Variants in IGSF11 observed in about 807,000 individuals in gnomAD.
The protein encoded by IGSF11 is CXADR like 1.
A neutral mutation model predicts 41.0 loss-of-function variants in IGSF11; 22 were observed. That is an observed-to-expected ratio of 0.54 (90% CI 0.38 to 0.77). The LOEUF (loss-of-function observed/expected upper bound fraction) is 0.77, where lower values mean the gene tolerates loss of function less well. Among genes scored for constraint, IGSF11 ranks in the 30% least tolerant of loss-of-function variants. IGSF11 has a pLI of 0.00. For missense variants in IGSF11, 444 were observed against 530.8 expected (o/e 0.84, Z 1.61); for synonymous variants, 219 against 201.3 (o/e 1.09, Z -0.74).
intron 1 of IGSF11, among the ~76,000 whole-genome samples, chr3:118,986,422 T>C (rs1053232619): frequency 6.6e-6 from 1 of 152,354 alleles, no homozygotes; most frequent in African/African-American, 2.4e-5. Flanking sequence ...ATTAAGTGCC[T>C]CAATTTCTGC....
chr3:119,115,218 GCTAT>G (rs2077238998), intron 1 of IGSF11, among the ~76,000 whole-genome samples: 2 of 152,220 alleles, frequency 1.3e-5, no homozygotes, highest in Non-Finnish European at 2.9e-5. Flanking sequence ...TGAAAGTGCA[GCTAT>G]CTCTTTGATA....
upstream of IGSF11, among the ~76,000 whole-genome samples, chr3:119,039,639 T>C (rs1408159910): frequency 6.6e-6 from 1 of 152,174 alleles, no homozygotes; most frequent in Non-Finnish European, 1.5e-5. Context: ...CCCCATTATC[T>C]CTCTGACCAC....
chr3:119,106,900 C>T (rs562186257), upstream of IGSF11, among the ~76,000 whole-genome samples: 1 of 152,260 alleles, frequency 6.6e-6, no homozygotes, highest in Admixed American at 6.5e-5. Flanking sequence ...ATCCATGTCC[C>T]TACAAAGGAC....
At position 119,026,763 on chromosome 3, in the gene IGSF11, G is replaced by A. The variant is rs376887251; in HGVS notation, c.52+7768C>T. Among the ~76,000 whole-genome samples, 76 of 152,276 alleles carry A rather than the reference G, an allele frequency of 5.0e-4. 1 individual carries two copies. The highest frequency in any genetic ancestry group is 1.8e-3 in the African/African-American group (75 of 41,562). ...AGCAAAATGGTCATCCCAAAGTAAGGCATTGGTGCAATTATTTGAGCTCAA... is the reference window on the plus strand; with the variant it reads ...AGCAAAATGGTCATCCCAAAGTAAGACATTGGTGCAATTATTTGAGCTCAA... On this transcript the variant is annotated intron_variant, in intron 1 of 6. Coordinates refer to ENST00000393775, the MANE Select transcript of IGSF11 (RefSeq NM_001015887.3).
chr3:119,084,083 A>G (rs1402930905), intron 1 of IGSF11, among the ~76,000 whole-genome samples: 11 of 152,142 alleles, frequency 7.2e-5, no homozygotes, highest in Admixed American at 6.6e-4. Context: ...GTTTTTAACA[A>G]AAAAGTTTTA....
intron 4 of IGSF11, among the ~76,000 whole-genome samples, chr3:118,910,889 A>G (rs1346770965): frequency 1.3e-5 from 2 of 152,132 alleles, no homozygotes; most frequent in Non-Finnish European, 2.9e-5. Flanking sequence ...TTTCCCTACA[A>G]AGTTCTTCCT....
intron 1 of IGSF11, among the ~76,000 whole-genome samples, chr3:119,094,379 T>C (rs1029565364): frequency 1.3e-5 from 2 of 151,586 alleles, no homozygotes; most frequent in Non-Finnish European, 1.5e-5. Flanking sequence ...TGGGTAGTGG[T>C]GAACCACTAA....
upstream of IGSF11, among the ~76,000 whole-genome samples, chr3:119,107,104 G>A (rs2077044480): frequency 6.6e-6 from 1 of 152,178 alleles, no homozygotes; most frequent in South Asian, 2.1e-4. Flanking sequence ...TATATACTCA[G>A]TAATGGGATG....
chr3:119,005,828 G>A (rs990130411), intron 1 of IGSF11, among the ~76,000 whole-genome samples: 2 of 111,382 alleles, frequency 1.8e-5, no homozygotes, highest in Admixed American at 9.1e-5. Context: ...TCTGCCGAGA[G>A]ATCCGCTGTT....
chr3:119,035,719 C>T (rs922771483), upstream of IGSF11, among the ~76,000 whole-genome samples: 1 of 152,158 alleles, frequency 6.6e-6, no homozygotes, highest in Admixed American at 6.5e-5. Flanking sequence ...TCTTGTAAAA[C>T]CTATCTTTAT....
intron 1 of IGSF11, among the ~76,000 whole-genome samples, chr3:118,987,683 A>C (rs1234371210): frequency 1.3e-5 from 2 of 152,228 alleles, no homozygotes; most frequent in Admixed American, 1.3e-4. Flanking sequence ...TGTAGCAGCA[A>C]TTCACTAGGC....
upstream of IGSF11, among the ~76,000 whole-genome samples, chr3:119,106,559 G>C (rs1457347495): frequency 6.6e-6 from 1 of 151,974 alleles, no homozygotes; most frequent in Non-Finnish European, 1.5e-5. Flanking sequence ...TGGCTGAATA[G>C]TACTCCATTG....
At chr3:119,136,130 T>C (rs1400705880) in intron 1 of IGSF11, among the ~76,000 whole-genome samples, 1 of 152,016 alleles carries the variant, frequency 6.6e-6, no homozygotes, top group African/African-American at 2.4e-5. Context: ...AGTTGATGGG[T>C]GCAGCGAACC....
intron 1 of IGSF11, among the ~76,000 whole-genome samples, chr3:119,087,202 C>G (rs1194886112): frequency 2.6e-5 from 4 of 152,060 alleles, no homozygotes; most frequent in Non-Finnish European, 5.9e-5. Context: ...GTAGATCTAC[C>G]ATTTGATCCA....
chr3:119,106,791 T>C (rs752411691), upstream of IGSF11, among the ~76,000 whole-genome samples: 308 of 150,634 alleles, frequency 2.0e-3, no homozygotes, highest in Non-Finnish European at 3.1e-3. Flanking sequence ...CCTGTGTCCA[T>C]GTGTTCTCAT....
chr3:119,115,712 C>T lies in IGSF11; in HGVS notation c.-13-10507G>A, dbSNP rs74965909. Among the ~76,000 whole-genome samples, 719 of 152,210 alleles carry T rather than the reference C, an allele frequency of 4.7e-3. 13 individuals are homozygous for T. The highest frequency in any genetic ancestry group is 0.017 in the African/African-American group (687 of 41,544). On this transcript the variant is annotated intron_variant, in intron 1 of 7. Transcript: ENST00000425327. ...CATTCTGTGGGTTGTCTCTTCACTT[C>T]GTTGACTGTTTCCTTTTCGGTGAAG...
intron 1 of IGSF11, among the ~76,000 whole-genome samples, chr3:118,998,731 A>C (rs1383696495): frequency 6.6e-6 from 1 of 152,282 alleles, no homozygotes; most frequent in South Asian, 2.1e-4. Flanking sequence ...TTTATTTTTG[A>C]TGCCTCAATA....
At chr3:119,018,363 G>A (rs1938956641) in intron 1 of IGSF11, among the ~76,000 whole-genome samples, 1 of 152,186 alleles carries the variant, frequency 6.6e-6, no homozygotes, top group Admixed American at 6.5e-5. Context: ...CTAAAGGTCT[G>A]TTATAAGATT....
chr3:119,134,247 T>C (rs1330267336), intron 1 of IGSF11, among the ~76,000 whole-genome samples: 1 of 149,342 alleles, frequency 6.7e-6, no homozygotes. Flanking sequence ...ATAAAGGGTA[T>C]TCAATTAGGA....
Sources: gnomAD v4.1 joint callset for allele counts (sites outside exome capture counted in the v4.1 genomes callset) on GRCh38, gnomAD v4.1.1 for gene constraint, MANE v1.5 for transcripts, NCBI Gene and HGNC (gene_info 2026-07-23, HGNC 2026-07-21) for gene names.